Variants in RAB3C observed in about 807,000 individuals in gnomAD.
RAB3C encodes the protein ras-related protein Rab-3C.
RAB3C carries 17 observed loss-of-function variants against 26.4 expected under a neutral mutation model. That is an observed-to-expected ratio of 0.64 (90% CI 0.44 to 0.97). The LOEUF (loss-of-function observed/expected upper bound fraction) is 0.97, where lower values mean the gene tolerates loss of function less well. RAB3C is among the 50% of genes least tolerant of loss of function. The probability of loss-of-function intolerance (pLI) is 0.00; values close to 1 mark genes in which losing one functional copy is unlikely to be tolerated. For missense variants in RAB3C, 242 were observed against 281.9 expected (o/e 0.86, Z 1.01); for synonymous variants, 91 against 95.9 (o/e 0.95, Z 0.30).
At chr5:58,770,360 C>T (rs553848589) in intron 3 of RAB3C, among the ~76,000 whole-genome samples, 28 of 152,084 alleles carry the variant, frequency 1.8e-4, no homozygotes, top group East Asian at 3.9e-4. Flanking sequence ...CAAAATGCAA[C>T]GGGGAAATAT....
At chr5:58,612,641 G>A (rs1486968494) in intron 1 of RAB3C, among the ~76,000 whole-genome samples, 1 of 150,724 alleles carries the variant, frequency 6.6e-6, no homozygotes, top group Non-Finnish European at 1.5e-5. Context: ...TGGTGTTTAG[G>A]AATACTAGTG....
chr5:58,852,757 T>G lies in RAB3C; in HGVS notation c.*1406T>G, dbSNP rs1744140204. 1 of 152,204 alleles carries G rather than the reference T, an allele frequency of 6.6e-6. No homozygotes were observed. Among genetic ancestry groups the G allele is most frequent in the African/African-American group, 2.4e-5 (1 of 41,452 alleles). The allele number at this position is 152,204 out of a possible 1,614,324, so 9.4% of individuals were successfully genotyped here. A position where few individuals can be genotyped will look rare whatever the true frequency, so the allele number is the denominator to read the frequency against. On this transcript the variant is annotated 3_prime_UTR_variant, in exon 5 of 5. Coordinates refer to ENST00000282878, the MANE Select transcript of RAB3C (RefSeq NM_138453.4). ...CCTCTGTATCACTGTCCAGCATTAT[T>G]TAAAGCTAGGATTTAGGAAGGAAGC...
chr5:58,726,912 G>A (rs1269839049), intron 3 of RAB3C, among the ~76,000 whole-genome samples: 2 of 151,890 alleles, frequency 1.3e-5, no homozygotes, highest in African/African-American at 2.4e-5. Flanking sequence ...TCAAGCACAG[G>A]GCTAAAGAGG....
At chr5:58,843,919 C>A (rs1479651369) in intron 4 of RAB3C, among the ~76,000 whole-genome samples, 1 of 152,158 alleles carries the variant, frequency 6.6e-6, no homozygotes, top group Non-Finnish European at 1.5e-5. Flanking sequence ...GAAATCTATT[C>A]TTTAATTAAC....
intron 4 of RAB3C, 52 bp from the exon 5 acceptor site, chr5:58,851,112 T>C: frequency 6.6e-7 from 1 of 1,524,248 alleles, no homozygotes; most frequent in Non-Finnish European, 8.9e-7. Flanking sequence ...AAGTCCCATT[T>C]AATTTCAGAA....
chr5:58,624,875 G>GA (rs913958877), intron 2 of RAB3C, among the ~76,000 whole-genome samples: 82 of 147,442 alleles, frequency 5.6e-4, no homozygotes, highest in African/African-American at 1.4e-3. Context: ...CCACTCAACT[G>GA]AAAAAAAAAC....
At chr5:58,673,601 G>A (rs1378263305) in intron 2 of RAB3C, among the ~76,000 whole-genome samples, 1 of 152,114 alleles carries the variant, frequency 6.6e-6, no homozygotes, top group Non-Finnish European at 1.5e-5. Context: ...TTGACCCAAG[G>A]ATTTTAAAGC....
intron 4 of RAB3C, among the ~76,000 whole-genome samples, chr5:58,849,016 A>T (rs561489700): frequency 3.9e-5 from 6 of 152,186 alleles, no homozygotes; most frequent in Non-Finnish European, 7.3e-5. Context: ...GGCTTCTGAG[A>T]TCAAAGATAA....
chr5:58,692,672 G>C (rs546325643), intron 2 of RAB3C, among the ~76,000 whole-genome samples: 26 of 151,864 alleles, frequency 1.7e-4, no homozygotes, highest in Middle Eastern at 3.4e-3. Context: ...CCCTGTGTTT[G>C]AGGATTCTTC....
chr5:58,713,857 A>T (rs1272690080), intron 2 of RAB3C, among the ~76,000 whole-genome samples: 1 of 152,232 alleles, frequency 6.6e-6, no homozygotes, highest in Non-Finnish European at 1.5e-5. Context: ...ATCTACTTAC[A>T]TATAGTTGGA....
At chr5:58,697,094 ACG>A (rs1748717109) in intron 2 of RAB3C, among the ~76,000 whole-genome samples, 1 of 152,102 alleles carries the variant, frequency 6.6e-6, no homozygotes, top group African/African-American at 2.4e-5. Context: ...ACTGCTTTAA[ACG>A]TGTCCCAGAG....
chr5:58,716,765 T>C (rs1749181176), intron 2 of RAB3C, among the ~76,000 whole-genome samples: 1 of 146,568 alleles, frequency 6.8e-6, no homozygotes, highest in Non-Finnish European at 1.5e-5. Flanking sequence ...ATGACTCGAA[T>C]AGATCTCATA....
chr5:58,739,040 A>C (rs79456065), intron 3 of RAB3C, among the ~76,000 whole-genome samples: 2,049 of 152,304 alleles, frequency 0.013, 39 homozygotes, highest in African/African-American at 0.046. Flanking sequence ...CATTATAATG[A>C]TTGCTTTAAA....
intron 2 of RAB3C, among the ~76,000 whole-genome samples, chr5:58,708,266 A>G (rs984171833): frequency 6.6e-6 from 1 of 152,210 alleles, no homozygotes; most frequent in Non-Finnish European, 1.5e-5. Context: ...CTAGGATTAC[A>G]GGCATAAGCC....
intron 2 of RAB3C, among the ~76,000 whole-genome samples, chr5:58,639,569 T>A (rs1314474349): frequency 6.6e-6 from 1 of 152,118 alleles, no homozygotes; most frequent in Non-Finnish European, 1.5e-5. Context: ...AATAATCTCA[T>A]CATGGGGACC....
At chr5:58,752,550 G>A (rs1741554814) in intron 3 of RAB3C, among the ~76,000 whole-genome samples, 1 of 151,998 alleles carries the variant, frequency 6.6e-6, no homozygotes, top group African/African-American at 2.4e-5. Context: ...ACTCTTTAGG[G>A]TTCAAGGTTT....
At chr5:58,738,465 C>G (rs1473707876) in intron 3 of RAB3C, among the ~76,000 whole-genome samples, 1 of 152,134 alleles carries the variant, frequency 6.6e-6, no homozygotes, top group East Asian at 1.9e-4. Flanking sequence ...GTTCGAAACA[C>G]ATGTTAGCAG....
chr5:58,670,221 C>G (rs187345888), intron 2 of RAB3C, among the ~76,000 whole-genome samples: 1 of 152,090 alleles, frequency 6.6e-6, no homozygotes, highest in Non-Finnish European at 1.5e-5. Context: ...CTTCCTGATG[C>G]CTTCATGGAC....
intron 3 of RAB3C, among the ~76,000 whole-genome samples, chr5:58,727,695 A>G (rs940727921): frequency 1.3e-5 from 2 of 152,010 alleles, no homozygotes; most frequent in East Asian, 1.9e-4. Context: ...ACATATTGCT[A>G]TGTAATATGG....
Sources: allele counts gnomAD v4.1 joint callset (sites outside exome capture counted in the v4.1 genomes callset), GRCh38; gene constraint gnomAD v4.1.1; transcripts MANE v1.5; gene names NCBI Gene and HGNC (gene_info 2026-07-23, HGNC 2026-07-21).